Variants in MGAT4C observed in about 807,000 individuals in gnomAD.
MGAT4C encodes the protein MGAT4 family member C, also known as alpha-1,3-mannosyl-glycoprotein 4-beta-N-acetylglucosaminyltransferase C.
A neutral mutation model predicts 40.1 loss-of-function variants in MGAT4C; 19 were observed. The observed-to-expected ratio is 0.47, with a 90% CI of 0.33 to 0.70. The LOEUF (loss-of-function observed/expected upper bound fraction) is 0.70, where lower values mean the gene tolerates loss of function less well. Ranked by LOEUF, MGAT4C falls within the 30% of genes least tolerant of loss-of-function variation. MGAT4C has a pLI of 0.02. For missense variants in MGAT4C, 491 were observed against 563.2 expected (o/e 0.87, Z 1.30); for synonymous variants, 181 against 187.1 (o/e 0.97, Z 0.27).
At chr12:86,712,610 G>A (rs1481802842) in intron 2 of MGAT4C, among the ~76,000 whole-genome samples, 1 of 152,028 alleles carries the variant, frequency 6.6e-6, no homozygotes, top group African/African-American at 2.4e-5. Flanking sequence ...TTGAAAACTG[G>A]CTTGTTTTCT....
chr12:86,060,829 G>A (rs116904475), intron 1 of MGAT4C, among the ~76,000 whole-genome samples: 2,133 of 152,216 alleles, frequency 0.014, 25 homozygotes, highest in Middle Eastern at 0.031. Context: ...ACCCCGTGGT[G>A]GGCAGACATT....
At chr12:86,039,595 ACTGGTTATTCTAGTTAACAATTCAT>A (rs1268231446) in intron 2 of MGAT4C, among the ~76,000 whole-genome samples, 3 of 151,908 alleles carry the variant, frequency 2.0e-5, no homozygotes, top group South Asian at 2.1e-4. Context: ...TTTTCCCTAA[ACTGGTTATTCTAGTTAACAATTCAT>A]CTAACCTTTT....
At chr12:86,185,278 A>G (rs1383336985) in intron 1 of MGAT4C, among the ~76,000 whole-genome samples, 1 of 152,040 alleles carries the variant, frequency 6.6e-6, no homozygotes, top group East Asian at 1.9e-4. Context: ...TACTATCTTC[A>G]TTTTGGTAAG....
At chr12:86,662,073 C>T (rs1387776205) in intron 2 of MGAT4C, among the ~76,000 whole-genome samples, 2 of 152,164 alleles carry the variant, frequency 1.3e-5, no homozygotes, top group Admixed American at 6.5e-5. Context: ...GGCATCTAAT[C>T]TACTTTTAAT....
chr12:86,654,821 G>A (rs1032244609), intron 2 of MGAT4C, among the ~76,000 whole-genome samples: 3 of 151,208 alleles, frequency 2.0e-5, no homozygotes, highest in Admixed American at 1.3e-4. Context: ...TGTGTATTGC[G>A]GTGAAGATAG....
At chr12:86,559,744 G>T (rs1389481093) in intron 2 of MGAT4C, among the ~76,000 whole-genome samples, 2 of 151,698 alleles carry the variant, frequency 1.3e-5, no homozygotes, top group South Asian at 2.1e-4. Flanking sequence ...CAAAAAACAA[G>T]AAAAGCAAGA....
At chr12:86,620,472 C>T (rs1962600017) in intron 2 of MGAT4C, among the ~76,000 whole-genome samples, 1 of 151,974 alleles carries the variant, frequency 6.6e-6, no homozygotes, top group Admixed American at 6.6e-5. Flanking sequence ...AACTGATTAC[C>T]AAATACTGCA....
At chr12:86,263,632 G>A (rs898049701) in intron 4 of MGAT4C, among the ~76,000 whole-genome samples, 2 of 152,142 alleles carry the variant, frequency 1.3e-5, no homozygotes, top group Non-Finnish European at 2.9e-5. Context: ...GCTGCGATGA[G>A]CCTATCAGTG....
intron 2 of MGAT4C, among the ~76,000 whole-genome samples, chr12:86,722,734 A>G (rs1950757139): frequency 6.6e-6 from 1 of 152,328 alleles, no homozygotes; most frequent in South Asian, 2.1e-4. Flanking sequence ...CTGTTCCCTC[A>G]GAGTAGCAAA....
intron 3 of MGAT4C, among the ~76,000 whole-genome samples, chr12:86,342,197 A>T (rs536161202): frequency 6.6e-6 from 1 of 152,244 alleles, no homozygotes; most frequent in African/African-American, 2.4e-5. Context: ...TTCACTGGTG[A>T]TGCCTCCAGG....
chr12:86,562,524 C>T (rs1959916803), intron 2 of MGAT4C, among the ~76,000 whole-genome samples: 1 of 152,094 alleles, frequency 6.6e-6, no homozygotes, highest in East Asian at 1.9e-4. Context: ...AGCCTTTACA[C>T]CTTTGTCTGA....
intron 1 of MGAT4C, among the ~76,000 whole-genome samples, chr12:86,797,678 T>C (rs4396350): frequency 0.17 from 25,633 of 151,860 alleles, 2,286 homozygotes; most frequent in Middle Eastern, 0.3. Context: ...TCTAATTATT[T>C]GGGTAATTTA....
At position 86,150,814 on chromosome 12, in the gene MGAT4C, C is replaced by G. The variant is rs140964114; in HGVS notation, c.-56-101091G>C. On this transcript the variant is annotated intron_variant, in intron 1 of 4. Coordinates refer to ENST00000611864, the MANE Select transcript of MGAT4C (RefSeq NM_001351288.2). ...GCAAGGAAGGAAGTCCAAGAGAAAC[C>G]AACAGAAGTCACCCCAGGGGTCCTC... Among the ~76,000 whole-genome samples the G allele has an allele frequency of 2.5e-3, 374 of 152,268 alleles. 1 individual carries two copies. Among genetic ancestry groups the G allele is most frequent in the African/African-American group, 7.4e-3 (308 of 41,554 alleles).
chr12:86,779,782 G>A (rs886777828), intron 1 of MGAT4C, among the ~76,000 whole-genome samples: 66 of 151,798 alleles, frequency 4.3e-4, no homozygotes, highest in Non-Finnish European at 7.7e-4. Context: ...GCGTGGTGGC[G>A]GGCGCCTGTA....
At chr12:86,188,881 A>T (rs1473351684) in intron 1 of MGAT4C, among the ~76,000 whole-genome samples, 2 of 151,964 alleles carry the variant, frequency 1.3e-5, no homozygotes, top group Non-Finnish European at 2.9e-5. Context: ...AAATTTAGTA[A>T]ATGCTACATT....
chr12:86,793,686 G>T (rs1004364031), intron 1 of MGAT4C, among the ~76,000 whole-genome samples: 2 of 151,696 alleles, frequency 1.3e-5, no homozygotes, highest in South Asian at 4.1e-4. Context: ...TTTCTATATA[G>T]CATATAAGAA....
intron 4 of MGAT4C, among the ~76,000 whole-genome samples, chr12:86,280,760 T>C (rs1165203944): frequency 6.6e-6 from 1 of 151,974 alleles, no homozygotes; most frequent in Non-Finnish European, 1.5e-5. Context: ...AATAACTTTG[T>C]TTTCTTTTAC....
chr12:86,578,758 T>C (rs192014399), intron 2 of MGAT4C, among the ~76,000 whole-genome samples: 1 of 151,748 alleles, frequency 6.6e-6, no homozygotes, highest in Non-Finnish European at 1.5e-5. Flanking sequence ...TTGTTTTTTC[T>C]TAATCTGGCT....
chr12:86,609,188 A>G (rs1029512267), intron 2 of MGAT4C, among the ~76,000 whole-genome samples: 4 of 152,146 alleles, frequency 2.6e-5, no homozygotes, highest in African/African-American at 9.7e-5. Context: ...AAACATGCAA[A>G]ATTATTGGGA....
Sources: allele counts gnomAD v4.1 joint callset (sites outside exome capture counted in the v4.1 genomes callset), GRCh38; gene constraint gnomAD v4.1.1; transcripts MANE v1.5; gene names NCBI Gene and HGNC (gene_info 2026-07-23, HGNC 2026-07-21).